Variants in SNX2 observed in about 807,000 individuals in gnomAD.
SNX2 encodes sorting nexin 2, also known as sorting nexin-2.
Under a neutral mutation model 69.9 loss-of-function variants are expected in SNX2, and 25 were observed. The ratio of observed to expected loss-of-function variants is 0.36; its 90% CI spans 0.26 to 0.50. SNX2 has a LOEUF of 0.50. Among genes scored for constraint, SNX2 ranks in the 20% least tolerant of loss-of-function variants. The probability of loss-of-function intolerance (pLI) is 0.97; values close to 1 mark genes in which losing one functional copy is unlikely to be tolerated. For synonymous variants in SNX2, 229 were observed against 200.4 expected (o/e 1.14, Z -1.20); for missense variants, 551 against 613.3 (o/e 0.90, Z 1.07).
intron 1 of SNX2, among the ~76,000 whole-genome samples, chr5:122,789,474 GACACAC>G (rs60199625): frequency 5.5e-4 from 79 of 144,708 alleles, no homozygotes; most frequent in African/African-American, 1.8e-3. Context: ...GACACACACG[GACACAC>G]ACACACACAC....
chr5:122,776,851 CAG>C (rs1752867913), intron 1 of SNX2, among the ~76,000 whole-genome samples: 1 of 151,878 alleles, frequency 6.6e-6, no homozygotes, highest in African/African-American at 2.4e-5. Context: ...CTTTAAAAAA[CAG>C]AGTGTTACAA....
chr5:122,793,635 CA>C (rs1488777315), intron 1 of SNX2, among the ~76,000 whole-genome samples: 1 of 152,186 alleles, frequency 6.6e-6, no homozygotes, highest in Non-Finnish European at 1.5e-5. Flanking sequence ...TTTGGCCAGG[CA>C]CAGTGGCTCA....
chr5:122,775,743 T>C, intron 1 of SNX2: 1 of 985,634 alleles, frequency 1.0e-6, no homozygotes, highest in Non-Finnish European at 1.2e-6. Flanking sequence ...GAGCTGCTTC[T>C]GATTTGGACT....
intron 7 of SNX2, among the ~76,000 whole-genome samples, chr5:122,814,571 G>C (rs2150013502): frequency 6.6e-6 from 1 of 152,166 alleles, no homozygotes; most frequent in South Asian, 2.1e-4. Flanking sequence ...TGACTTTAGA[G>C]AAGATTATCA....
Position 122,817,325 on chromosome 5 carries a change from C to T in SNX2, c.958C>T (p.Leu320Phe). The change falls in exon 10 of 15, where the codon CTT becomes TTT. Residue 320 changes from leucine (L) to phenylalanine (F), a missense_variant. Leu to Phe is a conservative substitution (Grantham distance 22). Coordinates refer to ENST00000379516, the MANE Select transcript of SNX2 (RefSeq NM_003100.4). ...QQQFENLDQQ[L>F]RKLHVSVEAL... ...GCAATTTGAGAATCTGGATCAGCAACTTAGGAAACTTCATGTCAGTGTTGA... is the reference window on the plus strand; with the variant it reads ...GCAATTTGAGAATCTGGATCAGCAATTTAGGAAACTTCATGTCAGTGTTGA... The T allele has an allele frequency of 1.2e-6, 2 of 1,613,898 alleles. No homozygotes were observed. The highest frequency in any genetic ancestry group is 1.7e-6 in the Non-Finnish European group (2 of 1,179,918).
chr5:122,826,285 A>G, intron 12 of SNX2, 92 bp downstream of exon 12: 2 of 1,069,908 alleles, frequency 1.9e-6, no homozygotes, highest in East Asian at 2.6e-5. Flanking sequence ...AAACCATTCA[A>G]CACGTAGCTA....
At chr5:122,776,976 A>G (rs1303256139) in intron 1 of SNX2, among the ~76,000 whole-genome samples, 1 of 152,178 alleles carries the variant, frequency 6.6e-6, no homozygotes, top group African/African-American at 2.4e-5. Flanking sequence ...ACCTTATTTA[A>G]TGTACTCATT....
intron 1 of SNX2, among the ~76,000 whole-genome samples, chr5:122,787,417 G>T (rs944379324): frequency 6.6e-6 from 1 of 152,088 alleles, no homozygotes; most frequent in Non-Finnish European, 1.5e-5. Context: ...CTATTTGGGA[G>T]GCTGAGGTAG....
intron 7 of SNX2, among the ~76,000 whole-genome samples, chr5:122,809,594 C>T (rs1423916229): frequency 6.6e-6 from 1 of 152,124 alleles, no homozygotes; most frequent in African/African-American, 2.4e-5. Context: ...TTTCTAATTT[C>T]ACTGGTTTTT....
chr5:122,799,668 C>T, intron 2 of SNX2, 24 bp from the exon 3 acceptor site: 1 of 1,591,548 alleles, frequency 6.3e-7, no homozygotes, highest in South Asian at 1.1e-5. Flanking sequence ...GTGTTCTTAA[C>T]TAACTTGTTT....
intron 1 of SNX2, among the ~76,000 whole-genome samples, chr5:122,787,213 A>G (rs1399925201): frequency 4.6e-5 from 7 of 152,098 alleles, no homozygotes; most frequent in Non-Finnish European, 1.0e-4. Context: ...GGTTTTTGCA[A>G]CCTTTAAAGA....
At chr5:122,829,449 C>T in intron 14 of SNX2, 149 bp from the exon 15 acceptor site, 2 of 572,808 alleles carry the variant, frequency 3.5e-6, no homozygotes, top group South Asian at 2.1e-5. Flanking sequence ...AGGTGATCCA[C>T]CCATCTCAGC....
rs1274465030 is a variant in SNX2 at position 122,799,695 on chromosome 5, C to A, written c.230C>A (p.Ala77Asp). The A allele has an allele frequency of 6.2e-7, 1 of 1,610,608 alleles. No homozygotes were observed. The highest frequency in any genetic ancestry group is 8.5e-7 in the Non-Finnish European group (1 of 1,178,116). ...AACTTGTTTAATCTATGTCTAGAAG[C>A]CACAGAAGAAGTTTCTTTGGACAGC... ...DDDREDLFAE[A>D]TEEVSLDSPE... The change falls in exon 3 of 15, where the codon GCC (alanine) becomes GAC (aspartate). Residue 77 changes from alanine to aspartate, a missense_variant. This residue lies in a region of SNX2 where 191 missense variants were observed against 162.9 expected (regional missense o/e 1.17). Transcript: ENST00000379516.
rs1268775159 is a variant in SNX2 at position 122,816,901 on chromosome 5, T to C, written c.799-14T>C. On this transcript the variant is annotated splice_polypyrimidine_tract_variant and intron_variant, in intron 8 of 14. Coordinates refer to ENST00000379516, the MANE Select transcript of SNX2 (RefSeq NM_003100.4). ...TAACCGGTTTGTTTGCCCTTATTTGTCATTCAATTCCAGCTGCCTAGAGCA... is the reference window on the plus strand; with the variant it reads ...TAACCGGTTTGTTTGCCCTTATTTGCCATTCAATTCCAGCTGCCTAGAGCA... 7 of 1,551,026 alleles carry C rather than the reference T, an allele frequency of 4.5e-6. No homozygotes were observed. The highest frequency in any genetic ancestry group is 1.1e-5 in the South Asian group (1 of 88,544).
In SNX2 at chr5:122,814,230, TATCTG is replaced by T. The variant is rs1753849085; in HGVS notation, c.723-1663_723-1659del. On this transcript the variant is annotated intron_variant, in intron 7 of 14. Coordinates refer to ENST00000379516, the MANE Select transcript of SNX2 (RefSeq NM_003100.4). ...ACTCAGTCTAAACAACGAAATAACTTATCTGATATATTGTGAGAGAACTTCAGTGT... is the reference window on the plus strand; with the variant it reads ...ACTCAGTCTAAACAACGAAATAACTTATATATTGTGAGAGAACTTCAGTGT... Among the ~76,000 whole-genome samples the T allele has an allele frequency of 2.0e-5, 3 of 152,220 alleles. No individual in the cohort carries two copies. In the South Asian group the frequency reaches 6.2e-4, roughly 31 times the overall value.
chr5:122,779,638 G>A (rs1156555475), intron 1 of SNX2, among the ~76,000 whole-genome samples: 1 of 152,192 alleles, frequency 6.6e-6, no homozygotes, highest in South Asian at 2.1e-4. Flanking sequence ...TGTACAAGTG[G>A]AATTGCTGGG....
chr5:122,796,609 G>T (rs916041578), intron 2 of SNX2, among the ~76,000 whole-genome samples: 1 of 152,100 alleles, frequency 6.6e-6, no homozygotes, highest in African/African-American at 2.4e-5. Context: ...CATGGTATTT[G>T]TATCTTATGC....
At chr5:122,776,320 T>TA (rs557862196) in intron 1 of SNX2, among the ~76,000 whole-genome samples, 29 of 152,282 alleles carry the variant, frequency 1.9e-4, no homozygotes, top group African/African-American at 6.3e-4. Flanking sequence ...GCTAATTGTA[T>TA]ATGCAGTGTC....
At chr5:122,826,824 T>C (rs1180070038) in intron 12 of SNX2, among the ~76,000 whole-genome samples, 1 of 152,054 alleles carries the variant, frequency 6.6e-6, no homozygotes, top group Non-Finnish European at 1.5e-5. Context: ...CTGAATTTAA[T>C]ATTTATTGAT....
Sources: gnomAD v4.1 joint callset for allele counts (sites outside exome capture counted in the v4.1 genomes callset) on GRCh38, gnomAD v4.1.1 for gene constraint, gnomAD v4.1.1 regional missense constraint, MANE v1.5 for transcripts, NCBI Gene and HGNC (gene_info 2026-07-23, HGNC 2026-07-21) for gene names.